Variants in CFAP299 observed in about 807,000 individuals in gnomAD.
CFAP299 encodes the protein cilia and flagella associated protein 299, also known as cilia- and flagella-associated protein 299.
CFAP299 carries 21 observed loss-of-function variants against 27.0 expected under a neutral mutation model. That is an observed-to-expected ratio of 0.78 (90% CI 0.55 to 1.12). The LOEUF (loss-of-function observed/expected upper bound fraction) is 1.12. Ranked by LOEUF, CFAP299 falls within the 50% of genes most tolerant of loss-of-function variation. The pLI is 0.00. For synonymous variants in CFAP299, 104 were observed against 98.1 expected (o/e 1.06, Z -0.36); for missense variants, 310 against 276.6 (o/e 1.12, Z -0.86).
chr4:80,632,175 T>A (rs566789165), intron 3 of CFAP299, among the ~76,000 whole-genome samples: 1 of 152,230 alleles, frequency 6.6e-6, no homozygotes, highest in South Asian at 2.1e-4. Flanking sequence ...CCTAAATGGA[T>A]TAGGGCAACA....
intron 3 of CFAP299, among the ~76,000 whole-genome samples, chr4:80,839,431 G>T (rs913406334): frequency 6.6e-6 from 1 of 152,048 alleles, no homozygotes; most frequent in African/African-American, 2.4e-5. Context: ...GTACAAAAAG[G>T]CTGTATGAAC....
intron 3 of CFAP299, among the ~76,000 whole-genome samples, chr4:80,722,040 G>C (rs1722847698): frequency 6.6e-6 from 1 of 152,144 alleles, no homozygotes; most frequent in South Asian, 2.1e-4. Flanking sequence ...AACTACATTG[G>C]TAAACAGAAA....
chr4:80,811,194 G>A (rs890224987), intron 3 of CFAP299, among the ~76,000 whole-genome samples: 1 of 151,974 alleles, frequency 6.6e-6, no homozygotes, highest in African/African-American at 2.4e-5. Flanking sequence ...TAAAATAATA[G>A]CAACTTTTCA....
At chr4:80,912,799 C>A (rs1467271515) in intron 4 of CFAP299, among the ~76,000 whole-genome samples, 3 of 152,136 alleles carry the variant, frequency 2.0e-5, no homozygotes, top group Non-Finnish European at 4.4e-5. Context: ...ATCCACTGGC[C>A]AGGCTACCCT....
intron 2 of CFAP299, among the ~76,000 whole-genome samples, chr4:80,447,197 G>T (rs556388518): frequency 7.2e-6 from 1 of 139,728 alleles, no homozygotes; most frequent in African/African-American, 2.7e-5. Flanking sequence ...GTGCAGTGGC[G>T]GGATCTCGGC....
At chr4:80,839,817 T>G (rs1176073126) in intron 3 of CFAP299, among the ~76,000 whole-genome samples, 1 of 152,048 alleles carries the variant, frequency 6.6e-6, no homozygotes, top group Admixed American at 6.6e-5. Context: ...AGCCCCTGAT[T>G]GGCTTTACAT....
At chr4:80,612,838 G>A (rs1190593015) in intron 3 of CFAP299, among the ~76,000 whole-genome samples, 2 of 151,918 alleles carry the variant, frequency 1.3e-5, no homozygotes, top group Non-Finnish European at 2.9e-5. Flanking sequence ...TGTGGCCTTG[G>A]GCACTCACTT....
chr4:80,330,736 C>T (rs547401044), upstream of CFAP299, among the ~76,000 whole-genome samples: 1 of 152,242 alleles, frequency 6.6e-6, no homozygotes, highest in African/African-American at 2.4e-5. Flanking sequence ...TGCTAAGTGC[C>T]TTTCTAAAAT....
intron 3 of CFAP299, among the ~76,000 whole-genome samples, chr4:80,696,749 G>A (rs1022380679): frequency 6.6e-6 from 1 of 152,082 alleles, no homozygotes; most frequent in Non-Finnish European, 1.5e-5. Flanking sequence ...AAGTCTGAAT[G>A]GCTACAAGAA....
rs150448239 is a variant in CFAP299, at chr4:80,773,686, A to T, written c.334-96307A>T. 6.8e-3 allele frequency among the ~76,000 whole-genome samples: 1,027 copies of T among 152,004 alleles called. 4 individuals are homozygous for T. The highest frequency in any genetic ancestry group is 0.011 in the African/African-American group (445 of 41,516). ...GTTTTTGTTAAATCTAGAAATGAAAATTTTTTTGTAATAATTTGGTCAATC... is the reference window on the plus strand; with the variant it reads ...GTTTTTGTTAAATCTAGAAATGAAATTTTTTTTGTAATAATTTGGTCAATC... On this transcript the variant is annotated intron_variant, in intron 3 of 5. Transcript: ENST00000358105.
Position 80,848,258 on chromosome 4 carries a change from A to G in CFAP299, c.334-21735A>G, listed in dbSNP as rs147612819. Among the ~76,000 whole-genome samples the G allele has an allele frequency of 4.9e-4, 74 of 152,204 alleles. 1 individual carries two copies. The East Asian group carries it at 0.013, about 27-fold the overall frequency. On this transcript the variant is annotated intron_variant, in intron 3 of 5. Transcript: ENST00000358105. ...TTGATAAACATATGCTGTCCAGACT[A>G]CAAGAACCTCAAAAACCACAATATA...
intron 4 of CFAP299, among the ~76,000 whole-genome samples, chr4:80,904,826 G>A (rs1390055280): frequency 6.6e-6 from 1 of 152,102 alleles, no homozygotes; most frequent in African/African-American, 2.4e-5. Flanking sequence ...TGGTCAAACT[G>A]GTATTTCTTC....
intron 2 of CFAP299, among the ~76,000 whole-genome samples, chr4:80,567,721 T>C (rs1220546703): frequency 1.4e-5 from 1 of 73,452 alleles, no homozygotes; most frequent in African/African-American, 5.3e-5. Flanking sequence ...AAAATGCTAT[T>C]CTAATGTATT....
chr4:80,655,799 G>A (rs2109975255), intron 3 of CFAP299, among the ~76,000 whole-genome samples: 1 of 152,242 alleles, frequency 6.6e-6, no homozygotes, highest in African/African-American at 2.4e-5. Context: ...GCCCCAGGAG[G>A]AAAACTGGGA....
chr4:80,838,500 C>T (rs920377107), intron 3 of CFAP299, among the ~76,000 whole-genome samples: 2 of 152,122 alleles, frequency 1.3e-5, no homozygotes, highest in African/African-American at 4.8e-5. Context: ...TTTTCCAACA[C>T]CATTTATGAA....
intron 2 of CFAP299, 22 bp downstream of exon 2, chr4:80,362,906 C>A: frequency 6.3e-7 from 1 of 1,591,214 alleles, no homozygotes; most frequent in Non-Finnish European, 8.5e-7. Flanking sequence ...TGTTCCAAAT[C>A]CAGATTTTAT....
At chr4:80,695,485 A>G (rs551327252) in intron 3 of CFAP299, among the ~76,000 whole-genome samples, 2 of 152,270 alleles carry the variant, frequency 1.3e-5, no homozygotes, top group East Asian at 3.9e-4. Flanking sequence ...CTACATGGAG[A>G]ATAAGACCCG....
At chr4:80,917,053 G>T (rs77366445) in intron 4 of CFAP299, among the ~76,000 whole-genome samples, 7,283 of 152,124 alleles carry the variant, frequency 0.048, 529 homozygotes, top group African/African-American at 0.15. Flanking sequence ...AAGTGTGGCG[G>T]CAAACTGGAT....
the CFAP299 span, among the ~76,000 whole-genome samples, chr4:80,325,641 T>G: frequency 2.0e-5 from 3 of 152,246 alleles, no homozygotes; most frequent in African/African-American, 7.2e-5. Context: ...TTAATTCCAC[T>G]GCCACATTGT....
Sources: gnomAD v4.1 joint callset for allele counts (sites outside exome capture counted in the v4.1 genomes callset) on GRCh38, gnomAD v4.1.1 for gene constraint, MANE v1.5 for transcripts, NCBI Gene and HGNC (gene_info 2026-07-23, HGNC 2026-07-21) for gene names.